BIRC6: variants seen among roughly 807,000 people sequenced by gnomAD.
The protein encoded by BIRC6 is baculoviral IAP repeat containing 6.
A neutral mutation model predicts 503.3 loss-of-function variants in BIRC6; 98 were observed. The observed-to-expected ratio is 0.19, with a 90% CI of 0.17 to 0.23. The LOEUF (loss-of-function observed/expected upper bound fraction) is 0.23. Ranked by LOEUF, BIRC6 falls within the 10% of genes least tolerant of loss-of-function variation. The pLI is 1.00. For synonymous variants in BIRC6, 2,240 were observed against 2,078.7 expected (o/e 1.08, Z -2.11); for missense variants, 5,360 against 5,806.0 (o/e 0.92, Z 2.50).
intron 5 of BIRC6, 103 bp downstream of exon 5, chr2:32,392,253 C>T (rs2039323865): frequency 2.6e-6 from 2 of 777,830 alleles, no homozygotes; most frequent in South Asian, 1.8e-5. Flanking sequence ...TTTTGTGCAC[C>T]TTGTATGCTT....
chr2:32,468,381 A>G (rs1572442022), intron 28 of BIRC6, 56 bp from the exon 29 acceptor site: 1 of 1,357,094 alleles, frequency 7.4e-7, no homozygotes, highest in Non-Finnish European at 1.0e-6. Flanking sequence ...GTATTTGTAC[A>G]TGTACATAAA....
At chr2:32,456,691 G>T (rs1053490604) in intron 23 of BIRC6, among the ~76,000 whole-genome samples, 1 of 152,158 alleles carries the variant, frequency 6.6e-6, no homozygotes, top group Admixed American at 6.5e-5. Context: ...TGTTAACTCT[G>T]CACTTGTTGG....
intron 45 of BIRC6, among the ~76,000 whole-genome samples, chr2:32,495,709 C>G (rs925137184): frequency 6.6e-6 from 1 of 150,814 alleles, no homozygotes; most frequent in Non-Finnish European, 1.5e-5. Context: ...CAAAGTCACA[C>G]AGAATATTAT....
chr2:32,373,750 A>G (rs2036309376), intron 1 of BIRC6, among the ~76,000 whole-genome samples: 2 of 152,220 alleles, frequency 1.3e-5, no homozygotes, highest in African/African-American at 2.4e-5. Context: ...GTGTACCTCA[A>G]AGAATTGAAA....
chr2:32,457,950 AAATT>A (rs1219802214), intron 23 of BIRC6, among the ~76,000 whole-genome samples: 9 of 152,116 alleles, frequency 5.9e-5, no homozygotes, highest in African/African-American at 2.2e-4. Flanking sequence ...ATAATTACCT[AAATT>A]AATTATAATT....
intron 1 of BIRC6, among the ~76,000 whole-genome samples, chr2:32,368,136 C>T (rs532850787): frequency 6.6e-6 from 1 of 152,062 alleles, no homozygotes; most frequent in East Asian, 1.9e-4. Flanking sequence ...CGCTTGGGCC[C>T]CAGTATTCTG....
intron 61 of BIRC6, 86 bp from the exon 62 acceptor site, chr2:32,543,155 A>G: frequency 1.5e-6 from 2 of 1,348,638 alleles, no homozygotes; most frequent in Non-Finnish European, 2.0e-6. Context: ...CCTATATTTT[A>G]AAGAGATCAT....
chr2:32,555,077 T>C (rs1462387431), intron 65 of BIRC6, among the ~76,000 whole-genome samples: 1 of 152,198 alleles, frequency 6.6e-6, no homozygotes, highest in African/African-American at 2.4e-5. Context: ...ATTTTGTTGA[T>C]ATACACTGCC....
chr2:32,543,168 A>G (rs1391138278), intron 61 of BIRC6, 73 bp from the exon 62 acceptor site: 1 of 1,420,200 alleles, frequency 7.0e-7, no homozygotes, highest in East Asian at 2.3e-5. Flanking sequence ...GAGATCATTT[A>G]AAGTTAAGTC....
intron 14 of BIRC6, 30 bp from the exon 15 acceptor site, chr2:32,436,023 T>G (rs923810806): frequency 7.8e-7 from 1 of 1,281,832 alleles, no homozygotes; most frequent in Non-Finnish European, 1.0e-6. Context: ...TGAATGAATT[T>G]AAAAGAAAAA....
chr2:32,598,579 T>TGCTG (rs1438804294), intron 69 of BIRC6, among the ~76,000 whole-genome samples: 3 of 152,226 alleles, frequency 2.0e-5, no homozygotes, highest in Non-Finnish European at 4.4e-5. Flanking sequence ...TCCAAGAGTC[T>TGCTG]GCTGCATCAA....
intron 57 of BIRC6, among the ~76,000 whole-genome samples, chr2:32,521,387 A>AAAAAAAAAAG (rs2055664654): frequency 6.8e-6 from 1 of 148,102 alleles, no homozygotes; most frequent in Non-Finnish European, 1.5e-5. Context: ...AAAAAAAAAA[A>AAAAAAAAAAG]AAAAAAGCAA....
intron 54 of BIRC6, among the ~76,000 whole-genome samples, chr2:32,514,510 G>T (rs947638522): frequency 1.3e-5 from 2 of 152,294 alleles, no homozygotes; most frequent in East Asian, 1.9e-4. Context: ...CACATAAAAA[G>T]TAGGCCTATT....
chr2:32,442,993 C>G (rs2045585541), intron 19 of BIRC6, among the ~76,000 whole-genome samples: 1 of 151,986 alleles, frequency 6.6e-6, no homozygotes, highest in Admixed American at 6.6e-5. Flanking sequence ...TACATACCTG[C>G]AATAAAGTTT....
At chr2:32,549,552 A>C in intron 65 of BIRC6, 71 bp downstream of exon 65, 1 of 1,219,686 alleles carries the variant, frequency 8.2e-7, no homozygotes, top group Non-Finnish European at 1.1e-6. Context: ...GTCTAATAGT[A>C]AGTTTCAGTT....
At chr2:32,453,695 T>C (rs1018269882) in intron 22 of BIRC6, 113 bp from the exon 23 acceptor site, 11 of 1,006,732 alleles carry the variant, frequency 1.1e-5, no homozygotes, top group Admixed American at 2.1e-5. Flanking sequence ...TGTGTAAGAG[T>C]TGTGTATTTA....
chr2:32,518,017 C>T (rs2069213), intron 55 of BIRC6, among the ~76,000 whole-genome samples: 101,306 of 151,526 alleles, frequency 0.67, 34,673 homozygotes, highest in African/African-American at 0.79. Context: ...TAACCCTGGA[C>T]ACGTTTCTTA....
At chr2:32,616,378 C>G (rs1392931750) in intron 73 of BIRC6, among the ~76,000 whole-genome samples, 2 of 151,450 alleles carry the variant, frequency 1.3e-5, no homozygotes, top group Non-Finnish European at 2.9e-5. Flanking sequence ...GCCAAGAAGG[C>G]AAAACCCCGT....
rs1276649945 is a variant in BIRC6 at position 32,442,589 on chromosome 2, G to A, written c.4238+134G>A. 9 of 1,115,956 alleles carry A rather than the reference G, an allele frequency of 8.1e-6. No individual in the cohort carries two copies. The African/African-American group carries it at 1.4e-4, about 18-fold the overall frequency. 69.1% of individuals were successfully genotyped at this position (1,115,956 alleles called of 1,614,324 possible). ...TAAGAGAATTTCAAAAGTTGATGAAGATTGTTGATAATCTTAGCAAGAATT... is the reference window on the plus strand; with the variant it reads ...TAAGAGAATTTCAAAAGTTGATGAAAATTGTTGATAATCTTAGCAAGAATT... On this transcript the variant is annotated intron_variant, in intron 19 of 73. Coordinates refer to ENST00000421745, the MANE Select transcript of BIRC6 (RefSeq NM_016252.4).
Sources: allele counts gnomAD v4.1 joint callset (sites outside exome capture counted in the v4.1 genomes callset), GRCh38; gene constraint gnomAD v4.1.1; transcripts MANE v1.5; gene names NCBI Gene and HGNC (gene_info 2026-07-23, HGNC 2026-07-21).